Variants in PLPP4 observed in about 807,000 individuals in gnomAD.
The protein encoded by PLPP4 is diacylglycerol pyrophosphate like 2.
Under a neutral mutation model 32.2 loss-of-function variants are expected in PLPP4, and 20 were observed. That is an observed-to-expected ratio of 0.62 (90% CI 0.44 to 0.90). PLPP4 has a LOEUF of 0.90. PLPP4 is among the 40% of genes least tolerant of loss of function. The pLI is 0.00. For missense variants in PLPP4, 257 were observed against 353.1 expected, an observed-to-expected ratio of 0.73 and a Z score of 2.18; for synonymous variants, 127 against 133.0, an observed-to-expected ratio of 0.95 and a Z score of 0.31.
intron 6 of PLPP4, among the ~76,000 whole-genome samples, chr10:120,589,081 C>A (rs1029498647): frequency 6.6e-6 from 1 of 151,994 alleles, no homozygotes; most frequent in Non-Finnish European, 1.5e-5. Context: ...AACAAAAAAC[C>A]GGGAAGAAAG....
intron 6 of PLPP4, among the ~76,000 whole-genome samples, chr10:120,582,955 G>C (rs1849589584): frequency 6.6e-6 from 1 of 151,854 alleles, no homozygotes; most frequent in South Asian, 2.1e-4. Flanking sequence ...CTTCCTGCTA[G>C]GTAAGCTCTT....
intron 1 of PLPP4, among the ~76,000 whole-genome samples, chr10:120,494,308 G>A (rs748625633): frequency 3.9e-5 from 6 of 152,134 alleles, no homozygotes; most frequent in African/African-American, 7.2e-5. Flanking sequence ...TGAGGTAGGC[G>A]CTATTATCAG....
chr10:120,504,798 T>A (rs532393975), intron 2 of PLPP4, among the ~76,000 whole-genome samples: 40 of 152,346 alleles, frequency 2.6e-4, no homozygotes, highest in African/African-American at 9.4e-4. Flanking sequence ...TTCTGCCAAA[T>A]GAAGGTACCC....
At chr10:120,488,483 T>G (rs1844562073) in intron 1 of PLPP4, among the ~76,000 whole-genome samples, 1 of 152,252 alleles carries the variant, frequency 6.6e-6, no homozygotes, top group African/African-American at 2.4e-5. Flanking sequence ...GAATTCGTGC[T>G]TTTCATTTAA....
intron 5 of PLPP4, among the ~76,000 whole-genome samples, chr10:120,554,921 A>T (rs561140520): frequency 2.0e-5 from 3 of 152,222 alleles, no homozygotes; most frequent in Non-Finnish European, 4.4e-5. Context: ...TGGGAACACA[A>T]ATCCAAACCA....
chr10:120,581,028 G>A, intron 6 of PLPP4: 2 of 1,289,164 alleles, frequency 1.6e-6, no homozygotes, highest in Non-Finnish European at 1.0e-6. Context: ...GCCTAGGAGA[G>A]CGTAAGAAGC....
At chr10:120,496,424 A>T (rs1333955044) in intron 1 of PLPP4, among the ~76,000 whole-genome samples, 1 of 152,102 alleles carries the variant, frequency 6.6e-6, no homozygotes, top group African/African-American at 2.4e-5. Context: ...TGATAGATAC[A>T]TACCTTGGAA....
intron 5 of PLPP4, among the ~76,000 whole-genome samples, chr10:120,549,886 A>T (rs905873321): frequency 1.3e-5 from 2 of 152,060 alleles, no homozygotes; most frequent in African/African-American, 4.8e-5. Flanking sequence ...CTTCATACTT[A>T]GTGGTGAAAG....
At chr10:120,469,717 C>T (rs1011245409) in intron 1 of PLPP4, among the ~76,000 whole-genome samples, 2 of 152,154 alleles carry the variant, frequency 1.3e-5, no homozygotes, top group Non-Finnish European at 2.9e-5. Flanking sequence ...CTATTCCATT[C>T]TCTTCACTTT....
At chr10:120,522,842 G>A (rs1009268896) in intron 5 of PLPP4, among the ~76,000 whole-genome samples, 3 of 152,132 alleles carry the variant, frequency 2.0e-5, no homozygotes, top group Admixed American at 6.5e-5. Flanking sequence ...TAATCCTTTC[G>A]CTATGTGTAT....
intron 1 of PLPP4, among the ~76,000 whole-genome samples, chr10:120,492,859 T>C (rs750605582): frequency 6.6e-6 from 1 of 152,238 alleles, no homozygotes; most frequent in African/African-American, 2.4e-5. Context: ...TACCTAGATA[T>C]AGCAATTGTT....
intron 1 of PLPP4, among the ~76,000 whole-genome samples, chr10:120,458,855 T>C (rs534614643): frequency 6.6e-6 from 1 of 152,300 alleles, no homozygotes; most frequent in Admixed American, 6.5e-5. Context: ...TAAATTATTA[T>C]GTGATAGAAA....
intron 5 of PLPP4, among the ~76,000 whole-genome samples, chr10:120,533,931 G>C (rs369306470): frequency 3.3e-5 from 5 of 152,078 alleles, no homozygotes; most frequent in African/African-American, 9.7e-5. Flanking sequence ...CTTTCCATAT[G>C]TTGTAGGAAC....
chr10:120,580,198 G>A (rs1352153709), intron 6 of PLPP4, among the ~76,000 whole-genome samples: 1 of 151,760 alleles, frequency 6.6e-6, no homozygotes, highest in Non-Finnish European at 1.5e-5. Context: ...CAGCTAGTGA[G>A]CAGTGAAGGG....
intron 5 of PLPP4, among the ~76,000 whole-genome samples, chr10:120,523,876 A>G (rs548543032): frequency 6.6e-6 from 1 of 152,186 alleles, no homozygotes; most frequent in Non-Finnish European, 1.5e-5. Flanking sequence ...TGTCATGTGA[A>G]TATCTCAAGC....
intron 5 of PLPP4, among the ~76,000 whole-genome samples, chr10:120,562,399 T>C (rs1201287993): frequency 6.6e-6 from 1 of 152,170 alleles, no homozygotes; most frequent in East Asian, 1.9e-4. Flanking sequence ...GTTTCATTTT[T>C]TTCGTTTCTA....
intron 5 of PLPP4, among the ~76,000 whole-genome samples, chr10:120,569,166 G>T (rs944258054): frequency 6.6e-6 from 1 of 151,894 alleles, no homozygotes; most frequent in Non-Finnish European, 1.5e-5. Context: ...TTGAATCCGG[G>T]AGGCGGAGGT....
intron 1 of PLPP4, among the ~76,000 whole-genome samples, chr10:120,457,999 G>A (rs906094810): frequency 1.3e-5 from 2 of 152,220 alleles, no homozygotes; most frequent in African/African-American, 4.8e-5. Context: ...TCCAGGGGTA[G>A]CCGTGAAATG....
chr10:120,471,959 C>G (rs1241932091), intron 1 of PLPP4, among the ~76,000 whole-genome samples: 1 of 151,974 alleles, frequency 6.6e-6, no homozygotes. Context: ...ATCATCTTCC[C>G]TGTGTCATTT....
Sources: gnomAD v4.1 joint callset for allele counts (sites outside exome capture counted in the v4.1 genomes callset) on GRCh38, gnomAD v4.1.1 for gene constraint, MANE v1.5 for transcripts, NCBI Gene and HGNC (gene_info 2026-07-23, HGNC 2026-07-21) for gene names.